Variants in NRXN3 observed in about 807,000 individuals in gnomAD.
NRXN3 encodes neurexin 3, also known as neurexin III.
NRXN3 carries 32 observed loss-of-function variants against 137.6 expected under a neutral mutation model. That is an observed-to-expected ratio of 0.23 (90% confidence interval 0.18 to 0.31). NRXN3 has a LOEUF of 0.31. Ranked by LOEUF, NRXN3 falls within the 10% of genes least tolerant of loss-of-function variation. The pLI is 1.00. For missense variants in NRXN3, 1,574 were observed against 2,062.5 expected (o/e 0.76, Z 4.59); for synonymous variants, 798 against 784.5 (o/e 1.02, Z -0.29).
chr14:78,597,726 C>T (rs909305966), intron 4 of NRXN3, among the ~76,000 whole-genome samples: 1 of 152,208 alleles, frequency 6.6e-6, no homozygotes, highest in African/African-American at 2.4e-5. Context: ...TTCAAGGAAG[C>T]CTCCTCTTCG....
intron 20 of NRXN3, among the ~76,000 whole-genome samples, chr14:79,806,227 A>C (rs1456197620): frequency 6.6e-6 from 1 of 152,198 alleles, no homozygotes; most frequent in Non-Finnish European, 1.5e-5. Flanking sequence ...GAAAGCCATT[A>C]AAAATTCTCT....
At chr14:79,784,719 C>T (rs1445376545) in intron 19 of NRXN3, among the ~76,000 whole-genome samples, 1 of 144,110 alleles carries the variant, frequency 6.9e-6, no homozygotes, top group Non-Finnish European at 1.5e-5. Flanking sequence ...GTAACTTTCA[C>T]TTCAACAAGT....
chr14:79,591,451 C>T (rs1367042479), intron 16 of NRXN3, among the ~76,000 whole-genome samples: 2 of 152,078 alleles, frequency 1.3e-5, no homozygotes, highest in African/African-American at 4.8e-5. Flanking sequence ...ACAAATTTGT[C>T]AATATTTTCC....
chr14:78,796,176 A>C (rs1399588319), intron 8 of NRXN3, among the ~76,000 whole-genome samples: 1 of 152,220 alleles, frequency 6.6e-6, no homozygotes, highest in African/African-American at 2.4e-5. Context: ...CAATTGTGGC[A>C]GACCAATAAT....
chr14:78,890,556 CAT>C (rs1469908477), intron 10 of NRXN3, among the ~76,000 whole-genome samples: 1 of 151,650 alleles, frequency 6.6e-6, no homozygotes, highest in Non-Finnish European at 1.5e-5. Context: ...TGGGCTACAA[CAT>C]CACTAAAATT....
At chr14:79,297,962 C>T (rs2084473743) in intron 15 of NRXN3, among the ~76,000 whole-genome samples, 1 of 152,074 alleles carries the variant, frequency 6.6e-6, no homozygotes, top group Non-Finnish European at 1.5e-5. Context: ...TCTAAAAAGA[C>T]AGCCATTTAA....
intron 4 of NRXN3, among the ~76,000 whole-genome samples, chr14:78,624,833 T>TG (rs1566918169): frequency 0.017 from 2,075 of 121,976 alleles, 14 homozygotes; most frequent in South Asian, 0.028. Flanking sequence ...GTGTGTGTGT[T>TG]TGTTTGTTTG....
chr14:78,462,528 C>G (rs1479344430), intron 4 of NRXN3, among the ~76,000 whole-genome samples: 1 of 152,136 alleles, frequency 6.6e-6, no homozygotes, highest in East Asian at 1.9e-4. Flanking sequence ...TCTTAGATTG[C>G]ACGCCAGGAT....
intron 1 of NRXN3, among the ~76,000 whole-genome samples, chr14:78,202,117 A>G (rs1445037051): frequency 6.6e-6 from 1 of 151,834 alleles, no homozygotes; most frequent in African/African-American, 2.4e-5. Flanking sequence ...GTGAGCTGCC[A>G]TGGGTGAGCC....
intron 4 of NRXN3, among the ~76,000 whole-genome samples, chr14:78,509,973 T>C (rs530669989): frequency 3.2e-4 from 49 of 151,630 alleles, no homozygotes; most frequent in Non-Finnish European, 6.3e-4. Flanking sequence ...ATCTTTTCTA[T>C]ATAGGGGAGG....
intron 15 of NRXN3, chr14:79,280,439 G>A (rs773228245): frequency 7.4e-6 from 12 of 1,613,944 alleles, no homozygotes; most frequent in Non-Finnish European, 9.3e-6. Context: ...TTCCTCGCCG[G>A]GGTCTCACTC....
intron 15 of NRXN3, among the ~76,000 whole-genome samples, chr14:79,125,456 T>G (rs549001396): frequency 3.9e-5 from 6 of 152,180 alleles, no homozygotes; most frequent in Non-Finnish European, 8.8e-5. Flanking sequence ...TGATGGGAAA[T>G]AGGCCATCTT....
intron 4 of NRXN3, among the ~76,000 whole-genome samples, chr14:78,604,269 C>G (rs2097227227): frequency 6.6e-6 from 1 of 151,460 alleles, no homozygotes; most frequent in Non-Finnish European, 1.5e-5. Context: ...GGTGGGGACA[C>G]AGCCAAACCA....
intron 15 of NRXN3, among the ~76,000 whole-genome samples, chr14:79,137,122 G>T (rs1335420814): frequency 6.6e-6 from 1 of 152,194 alleles, no homozygotes; most frequent in Non-Finnish European, 1.5e-5. Flanking sequence ...CCTGGATTCT[G>T]CATGCTGCCT....
chr14:78,537,653 C>T (rs1426355520), intron 4 of NRXN3, among the ~76,000 whole-genome samples: 4 of 152,148 alleles, frequency 2.6e-5, no homozygotes, highest in Non-Finnish European at 5.9e-5. Context: ...GTTGCCATTG[C>T]TTTTTGTGTT....
At chr14:79,080,507 G>A (rs892562650) in intron 15 of NRXN3, among the ~76,000 whole-genome samples, 2 of 152,148 alleles carry the variant, frequency 1.3e-5, no homozygotes, top group African/African-American at 4.8e-5. Context: ...TTTTCCCCCA[G>A]AGTGTATATA....
intron 19 of NRXN3, among the ~76,000 whole-genome samples, chr14:79,782,716 CAGATCT>C (rs1211123178): frequency 6.6e-6 from 1 of 152,124 alleles, no homozygotes; most frequent in Non-Finnish European, 1.5e-5. Flanking sequence ...AAAGAGCTGT[CAGATCT>C]AACTTATATG....
chr14:79,848,273 T>C (rs2099384472), intron 20 of NRXN3, among the ~76,000 whole-genome samples: 2 of 152,208 alleles, frequency 1.3e-5, no homozygotes, highest in Admixed American at 6.5e-5. Flanking sequence ...GCTCCCCTGT[T>C]CTTAGTCTTG....
At chr14:79,427,918 G>A (rs565154530) in intron 15 of NRXN3, among the ~76,000 whole-genome samples, 8 of 152,222 alleles carry the variant, frequency 5.3e-5, no homozygotes, top group Non-Finnish European at 1.0e-4. Flanking sequence ...AAGGGACCAG[G>A]CACTGGCCTG....
Sources: gnomAD v4.1 joint callset for allele counts (sites outside exome capture counted in the v4.1 genomes callset) on GRCh38, gnomAD v4.1.1 for gene constraint, MANE v1.5 for transcripts, NCBI Gene and HGNC (gene_info 2026-07-23, HGNC 2026-07-21) for gene names.